Variants in MEGF11 observed in about 807,000 individuals in gnomAD.
The protein encoded by MEGF11 is multiple epidermal growth factor-like domains protein 11.
Under a neutral mutation model 146.6 loss-of-function variants are expected in MEGF11, and 126 were observed. The observed-to-expected ratio is 0.86, with a 90% CI of 0.74 to 1.00. MEGF11 has a LOEUF of 1.00. Ranked by LOEUF, MEGF11 falls within the 50% of genes least tolerant of loss-of-function variation. The pLI is 0.00. For missense variants in MEGF11, 1,509 were observed against 1,521.2 expected, an observed-to-expected ratio of 0.99 and a Z score of 0.13; for synonymous variants, 532 against 583.4, an observed-to-expected ratio of 0.91 and a Z score of 1.27.
At chr15:65,969,249 C>T (rs954080024) in intron 8 of MEGF11, among the ~76,000 whole-genome samples, 6 of 152,206 alleles carry the variant, frequency 3.9e-5, no homozygotes, top group Admixed American at 1.3e-4. Context: ...CAACAACAAG[C>T]GGGCGGTTTG....
At chr15:66,136,755 C>T (rs1364453254) in intron 1 of MEGF11, among the ~76,000 whole-genome samples, 1 of 152,196 alleles carries the variant, frequency 6.6e-6, no homozygotes, top group Non-Finnish European at 1.5e-5. Flanking sequence ...GAGCCAGGCA[C>T]AGTGGCTCAG....
At chr15:66,108,501 C>T (rs959050695) in intron 4 of MEGF11, among the ~76,000 whole-genome samples, 2 of 152,108 alleles carry the variant, frequency 1.3e-5, no homozygotes, top group Non-Finnish European at 2.9e-5. Context: ...ACAAAACAGG[C>T]TAAGAGGGTA....
chr15:66,055,793 C>A (rs1049589165), intron 5 of MEGF11, among the ~76,000 whole-genome samples: 3 of 152,120 alleles, frequency 2.0e-5, no homozygotes, highest in African/African-American at 7.2e-5. Flanking sequence ...GTTTTACATA[C>A]AGAACAACCT....
intron 8 of MEGF11, among the ~76,000 whole-genome samples, chr15:65,965,571 C>CCTTT (rs1185795809): frequency 0.047 from 3,100 of 66,292 alleles, 614 homozygotes; most frequent in Middle Eastern, 0.11. Context: ...CAGTGAGGTC[C>CCTTT]CTTTCTTTCT....
intron 5 of MEGF11, among the ~76,000 whole-genome samples, chr15:66,050,863 C>T (rs960663691): frequency 2.8e-4 from 42 of 152,198 alleles, no homozygotes; most frequent in South Asian, 4.1e-4. Flanking sequence ...CTGGGATTGC[C>T]GGGCCATTTC....
At chr15:65,977,166 C>CAA (rs372969314) in intron 7 of MEGF11, among the ~76,000 whole-genome samples, 2 of 91,306 alleles carry the variant, frequency 2.2e-5, no homozygotes, top group Admixed American at 1.3e-4. Context: ...GACTCCGTCT[C>CAA]AAAAAAAAAA....
chr15:66,122,981 C>T (rs1160395244), intron 3 of MEGF11, among the ~76,000 whole-genome samples: 1 of 152,104 alleles, frequency 6.6e-6, no homozygotes, highest in Non-Finnish European at 1.5e-5. Context: ...GACGGGGTTT[C>T]ACTGTGTTAG....
At chr15:65,986,241 T>C (rs2081853457) in intron 5 of MEGF11, among the ~76,000 whole-genome samples, 1 of 152,124 alleles carries the variant, frequency 6.6e-6, no homozygotes, top group South Asian at 2.1e-4. Context: ...CTCAGGACAA[T>C]GTCTGCATGT....
chr15:66,228,834 C>A (rs777061876), intron 1 of MEGF11, among the ~76,000 whole-genome samples: 4 of 152,116 alleles, frequency 2.6e-5, no homozygotes, highest in Non-Finnish European at 5.9e-5. Flanking sequence ...GGTAGTGGGG[C>A]ACGCCACAGG....
At chr15:66,221,310 A>G (rs1445128660) in intron 1 of MEGF11, among the ~76,000 whole-genome samples, 4 of 151,734 alleles carry the variant, frequency 2.6e-5, no homozygotes, top group Non-Finnish European at 4.4e-5. Context: ...CCTCCCTCCC[A>G]CACTCCTGAA....
chr15:65,916,390 A>C (rs2078998894), intron 17 of MEGF11, 114 bp from the exon 18 acceptor site: 7 of 1,292,002 alleles, frequency 5.4e-6, no homozygotes, highest in Admixed American at 2.4e-5. Context: ...GATGAAGACT[A>C]GTGAGACCCT....
intron 1 of MEGF11, among the ~76,000 whole-genome samples, chr15:66,190,196 T>C (rs955395922): frequency 2.0e-5 from 3 of 152,194 alleles, no homozygotes; most frequent in Non-Finnish European, 4.4e-5. Context: ...TCCATTAGGA[T>C]ACAACACAAT....
chr15:65,966,826 C>T (rs1197151513), intron 8 of MEGF11, among the ~76,000 whole-genome samples: 3 of 151,982 alleles, frequency 2.0e-5, no homozygotes, highest in Non-Finnish European at 4.4e-5. Context: ...CTGCTGACCA[C>T]CTGGTTTCCT....
At chr15:66,016,692 TAA>T (rs1341772034) in intron 5 of MEGF11, among the ~76,000 whole-genome samples, 1 of 152,230 alleles carries the variant, frequency 6.6e-6, no homozygotes, top group Non-Finnish European at 1.5e-5. Flanking sequence ...AAAGGCCTTA[TAA>T]GAGTGTCTAG....
intron 15 of MEGF11, among the ~76,000 whole-genome samples, chr15:65,918,559 C>A (rs1205003805): frequency 1.3e-5 from 2 of 152,232 alleles, no homozygotes. Flanking sequence ...ATGTGGCAGG[C>A]CTGCCTGCGG....
chr15:66,250,883 A>AGTGC (rs957625360), intron 1 of MEGF11, among the ~76,000 whole-genome samples: 3 of 151,622 alleles, frequency 2.0e-5, no homozygotes, highest in African/African-American at 7.3e-5. Flanking sequence ...CTCCAGCCTG[A>AGTGC]GAAAGTGAGA....
chr15:65,908,160 C>T (rs750993020), intron 23 of MEGF11, among the ~76,000 whole-genome samples: 2 of 152,210 alleles, frequency 1.3e-5, no homozygotes, highest in African/African-American at 2.4e-5. Context: ...CAGCCCATGC[C>T]TGCTCAGTGG....
rs542834989 is a variant in MEGF11, at chr15:66,028,335, G to A, written c.395-45847C>T. ...CCAGTAAATGCAAATTAACACAACAGGGAGGTCCTATTTTACACTTCCTAG... is the reference window on the plus strand; with the variant it reads ...CCAGTAAATGCAAATTAACACAACAAGGAGGTCCTATTTTACACTTCCTAG... On this transcript the variant is annotated intron_variant, in intron 5 of 25. Transcript: ENST00000395614. 5.3e-4 allele frequency among the ~76,000 whole-genome samples: 81 copies of A among 152,298 alleles called. 1 individual carries two copies. The highest frequency in any genetic ancestry group is 1.9e-3 in the African/African-American group (77 of 41,560).
intron 1 of MEGF11, among the ~76,000 whole-genome samples, chr15:66,218,745 A>G (rs1467731265): frequency 1.3e-5 from 2 of 152,108 alleles, no homozygotes; most frequent in Non-Finnish European, 2.9e-5. Context: ...CAGTTTTCTC[A>G]TCTTTAAAAT....
Sources: gnomAD v4.1 joint callset for allele counts (sites outside exome capture counted in the v4.1 genomes callset) on GRCh38, gnomAD v4.1.1 for gene constraint, MANE v1.5 for transcripts, NCBI Gene and HGNC (gene_info 2026-07-23, HGNC 2026-07-21) for gene names.